GPHN: variants seen among roughly 807,000 people sequenced by gnomAD.
GPHN encodes the protein gephyrin.
In GPHN, 17 loss-of-function variants were observed where a neutral mutation model predicts 95.5. The ratio of observed to expected loss-of-function variants is 0.18; its 90% CI spans 0.12 to 0.27. The LOEUF (loss-of-function observed/expected upper bound fraction) is 0.27, where lower values mean the gene tolerates loss of function less well. Among genes scored for constraint, GPHN ranks in the 10% least tolerant of loss-of-function variants. The pLI is 1.00. For missense variants in GPHN, 660 were observed against 978.1 expected, an observed-to-expected ratio of 0.67 and a Z score of 4.34; for synonymous variants, 320 against 322.5, an observed-to-expected ratio of 0.99 and a Z score of 0.08.
chr14:66,902,784 C>A (rs566508350), intron 5 of GPHN, among the ~76,000 whole-genome samples: 1 of 152,008 alleles, frequency 6.6e-6, no homozygotes, highest in African/African-American at 2.4e-5. Flanking sequence ...AGAATTTTTG[C>A]ATTTGTATTC....
At chr14:66,797,407 G>T (rs551303991) in intron 3 of GPHN, among the ~76,000 whole-genome samples, 2 of 151,886 alleles carry the variant, frequency 1.3e-5, no homozygotes, top group African/African-American at 4.8e-5. Context: ...TATTAAATCT[G>T]TAGATTGCTT....
intron 3 of GPHN, among the ~76,000 whole-genome samples, chr14:66,777,712 A>C (rs1566934899): frequency 6.6e-6 from 1 of 152,228 alleles, no homozygotes; most frequent in Non-Finnish European, 1.5e-5. Context: ...AACAGAGCCA[A>C]AGACAAAAAC....
At chr14:67,171,489 C>G (rs1234479079) in intron 21 of GPHN, among the ~76,000 whole-genome samples, 2 of 152,068 alleles carry the variant, frequency 1.3e-5, no homozygotes, top group Non-Finnish European at 2.9e-5. Context: ...CCTTAATATC[C>G]CATTAAAGCA....
chr14:66,616,435 T>C (rs2063039366), intron 1 of GPHN, among the ~76,000 whole-genome samples: 1 of 109,566 alleles, frequency 9.1e-6, no homozygotes, highest in African/African-American at 5.7e-5. Context: ...TTTGTTGTTG[T>C]TGTTGTTGTT....
chr14:67,228,173 A>G, the GPHN span, among the ~76,000 whole-genome samples: 4 of 151,748 alleles, frequency 2.6e-5, no homozygotes, highest in South Asian at 8.3e-4. Context: ...TTGTCTCAAA[A>G]AAAAAAAAAA....
At chr14:67,154,180 C>T (rs1595407802) in intron 18 of GPHN, among the ~76,000 whole-genome samples, 1 of 152,170 alleles carries the variant, frequency 6.6e-6, no homozygotes, top group African/African-American at 2.4e-5. Context: ...GTTCCATGCA[C>T]GCTTTGCCAC....
At chr14:67,135,619 G>T (rs1378014344) in intron 17 of GPHN, among the ~76,000 whole-genome samples, 1 of 151,884 alleles carries the variant, frequency 6.6e-6, no homozygotes, top group South Asian at 2.1e-4. Context: ...TTGGTAGCTT[G>T]TAAGATTTTC....
the GPHN span, chr14:67,225,265 G>A: frequency 1.3e-6 from 2 of 1,496,184 alleles, no homozygotes; most frequent in African/African-American, 1.4e-5. Context: ...ACAAACTAAA[G>A]GTAACTTTTT....
intron 2 of GPHN, among the ~76,000 whole-genome samples, chr14:66,747,287 G>A (rs941387019): frequency 6.6e-6 from 1 of 152,066 alleles, no homozygotes; most frequent in South Asian, 2.1e-4. Flanking sequence ...AAATGGTATT[G>A]TTGATACAAT....
At chr14:67,468,109 G>A in the GPHN span, among the ~76,000 whole-genome samples, 1 of 152,116 alleles carries the variant, frequency 6.6e-6, no homozygotes, top group Non-Finnish European at 1.5e-5. Flanking sequence ...GAGTAGCTGG[G>A]ATTACAGGCA....
chr14:66,855,211 T>G (rs2153517945), intron 4 of GPHN, among the ~76,000 whole-genome samples: 1 of 152,282 alleles, frequency 6.6e-6, no homozygotes, highest in African/African-American at 2.4e-5. Flanking sequence ...GTTGTACAAT[T>G]ATCACTACTA....
the GPHN span, among the ~76,000 whole-genome samples, chr14:67,373,723 AAG>A: frequency 2.0e-5 from 3 of 152,132 alleles, no homozygotes; most frequent in African/African-American, 4.8e-5. Flanking sequence ...CGCTGTGGGA[AAG>A]AGAGTGATAA....
chr14:66,791,678 A>G (rs941687324), intron 3 of GPHN, among the ~76,000 whole-genome samples: 2 of 152,252 alleles, frequency 1.3e-5, no homozygotes, highest in African/African-American at 4.8e-5. Context: ...TATAACAAGT[A>G]GTAAAGCCAA....
intron 1 of GPHN, among the ~76,000 whole-genome samples, chr14:66,598,988 G>A (rs1050256719): frequency 1.3e-5 from 2 of 152,106 alleles, no homozygotes; most frequent in Non-Finnish European, 2.9e-5. Context: ...TATACGTTGT[G>A]CATAAGAAGC....
intron 2 of GPHN, among the ~76,000 whole-genome samples, chr14:66,702,610 G>A (rs373442424): frequency 1.5e-3 from 230 of 152,010 alleles, no homozygotes; most frequent in Middle Eastern, 6.8e-3. Flanking sequence ...CAACAGCATC[G>A]ACAACAACAA....
At chr14:66,698,326 ATT>A (rs926142533) in intron 2 of GPHN, among the ~76,000 whole-genome samples, 1 of 152,154 alleles carries the variant, frequency 6.6e-6, no homozygotes, top group African/African-American at 2.4e-5. Context: ...GTCTGTCACT[ATT>A]TTGTAGATAA....
At position 66,943,369 on chromosome 14, in the gene GPHN, A is replaced by G. The variant is rs577617151; in HGVS notation, c.828+19077A>G. ...TAAAACCTGATAAGTTGTTTTCATTATGTGCTAGGTGCTGCCAAGGCTTAA... is the reference window on the plus strand; with the variant it reads ...TAAAACCTGATAAGTTGTTTTCATTGTGTGCTAGGTGCTGCCAAGGCTTAA... On this transcript the variant is annotated intron_variant, in intron 8 of 22. Transcript: ENST00000478722. 3.6e-3 allele frequency among the ~76,000 whole-genome samples: 547 copies of G among 152,258 alleles called. 1 individual carries two copies. The highest frequency in any genetic ancestry group is 5.0e-3 in the Non-Finnish European group (341 of 68,008).
At chr14:67,273,367 G>A in the GPHN span, among the ~76,000 whole-genome samples, 4 of 150,604 alleles carry the variant, frequency 2.7e-5, no homozygotes, top group African/African-American at 9.8e-5. Context: ...GTGAGAACAT[G>A]CAGTGTTTGG....
At chr14:67,569,311 G>C in the GPHN span, 1 of 856,022 alleles carries the variant, frequency 1.2e-6, no homozygotes, top group African/African-American at 1.6e-5. Context: ...CCCAGGGCCA[G>C]GGTTGGCTGG....
Sources: gnomAD v4.1 joint callset for allele counts (sites outside exome capture counted in the v4.1 genomes callset) on GRCh38, gnomAD v4.1.1 for gene constraint, MANE v1.5 for transcripts, NCBI Gene and HGNC (gene_info 2026-07-23, HGNC 2026-07-21) for gene names.